Variants in METTL15 observed in about 807,000 individuals in gnomAD.
METTL15 encodes methyltransferase 15, mitochondrial 12S rRNA N4-cytidine.
METTL15 carries 34 observed loss-of-function variants against 38.3 expected under a neutral mutation model. The observed-to-expected ratio is 0.89, with a 90% CI of 0.68 to 1.18. The LOEUF (loss-of-function observed/expected upper bound fraction) is 1.18, where lower values mean the gene tolerates loss of function less well. METTL15 is among the 50% of genes most tolerant of loss of function. METTL15 has a pLI of 0.00. For missense variants in METTL15, 438 were observed against 498.4 expected, an observed-to-expected ratio of 0.88 and a Z score of 1.15; for synonymous variants, 162 against 170.9, an observed-to-expected ratio of 0.95 and a Z score of 0.41.
chr11:28,299,726 A>G (rs1408079931), intron 6 of METTL15, among the ~76,000 whole-genome samples: 1 of 152,148 alleles, frequency 6.6e-6, no homozygotes, highest in African/African-American at 2.4e-5. Context: ...GGCTGCTGCT[A>G]CTAAGTACTA....
In METTL15 at chr11:28,206,289, A is replaced by G. The variant is rs1056483242; in HGVS notation, c.271-4773A>G. Among the ~76,000 whole-genome samples, 332 of 151,666 alleles carry G rather than the reference A, an allele frequency of 2.2e-3. 3 individuals are homozygous for G. Among genetic ancestry groups the G allele is most frequent in the African/African-American group, 6.5e-3 (270 of 41,230 alleles). ...CATCTTGAATTAATTTTTGTATAAG[A>G]TGTAAGGAAGGGATCCAGTTTCAGC... is the stretch of plus-strand genomic sequence containing the variant. On this transcript the variant is annotated intron_variant, in intron 3 of 6. Transcript: ENST00000407364.
intron 3 of METTL15, among the ~76,000 whole-genome samples, chr11:28,181,052 C>T (rs1851264596): frequency 6.6e-6 from 1 of 151,472 alleles, no homozygotes; most frequent in Non-Finnish European, 1.5e-5. Context: ...TCTCTCCTTT[C>T]CTCTTTGTCC....
intron 5 of METTL15, among the ~76,000 whole-genome samples, chr11:28,387,930 C>T (rs1344032896): frequency 6.6e-6 from 1 of 151,966 alleles, no homozygotes; most frequent in Non-Finnish European, 1.5e-5. Flanking sequence ...ACTGCATTAA[C>T]AGAATGAAGG....
intron 4 of METTL15, among the ~76,000 whole-genome samples, chr11:28,216,626 T>C (rs1407949180): frequency 3.3e-5 from 5 of 152,054 alleles, no homozygotes; most frequent in Admixed American, 1.3e-4. Flanking sequence ...ATTTATTACA[T>C]ATGTATACAT....
chr11:28,523,450 G>A (rs533448431), intron 6 of METTL15, among the ~76,000 whole-genome samples: 29 of 152,302 alleles, frequency 1.9e-4, no homozygotes, highest in South Asian at 1.2e-3. Context: ...ACGACATATT[G>A]GAAGCTGATT....
intron 6 of METTL15, 68 bp downstream of exon 6, chr11:28,296,999 G>A: frequency 1.3e-6 from 2 of 1,507,036 alleles, no homozygotes; most frequent in Non-Finnish European, 1.8e-6. Context: ...ATGTGTTTGT[G>A]TGCATGCACG....
intron 4 of METTL15, among the ~76,000 whole-genome samples, chr11:28,259,398 T>C (rs1276526658): frequency 3.3e-5 from 5 of 151,992 alleles, no homozygotes; most frequent in Non-Finnish European, 5.9e-5. Context: ...TCTGAGTACA[T>C]CATGTACCCG....
chr11:28,328,911 G>A (rs898262169), intron 6 of METTL15, among the ~76,000 whole-genome samples: 1 of 151,834 alleles, frequency 6.6e-6, no homozygotes, highest in African/African-American at 2.4e-5. Flanking sequence ...TCTCTGACTT[G>A]TCTTTCATTT....
rs1850546314 is a variant in METTL15, at chr11:28,163,535, C to G, written c.271-47527C>G. 1.0e-5 allele frequency: 4 copies of G among 394,790 alleles called. No individual in the cohort carries two copies. The East Asian group carries it at 1.4e-4, about 14-fold the overall frequency. The allele number at this position is 394,790 out of a possible 1,614,324, so 24.5% of individuals were successfully genotyped here. A position where few individuals can be genotyped will look rare whatever the true frequency, so the allele number is the denominator to read the frequency against. ...AAGATGCTTCTTCTTACTGATCTCT[C>G]TCTCTCTCTCTCTCTCTGTGTGTGT... On this transcript the variant is annotated intron_variant, in intron 3 of 6. Coordinates refer to ENST00000407364, the MANE Select transcript of METTL15 (RefSeq NM_001113528.2).
At chr11:28,203,999 G>C (rs997512259) in intron 3 of METTL15, among the ~76,000 whole-genome samples, 2 of 152,014 alleles carry the variant, frequency 1.3e-5, no homozygotes, top group African/African-American at 2.4e-5. Flanking sequence ...ATATGGTCCT[G>C]TGGTAATGAG....
At chr11:28,498,824 C>T (rs182972565) in intron 6 of METTL15, among the ~76,000 whole-genome samples, 63 of 152,324 alleles carry the variant, frequency 4.1e-4, no homozygotes, top group African/African-American at 1.5e-3. Flanking sequence ...TTGTTCATGG[C>T]ACATCTTGCC....
At chr11:28,225,775 T>A (rs1367908770) in intron 4 of METTL15, among the ~76,000 whole-genome samples, 1 of 151,922 alleles carries the variant, frequency 6.6e-6, no homozygotes, top group Non-Finnish European at 1.5e-5. Context: ...TTTGTTTTAG[T>A]AACCTCTCTA....
At chr11:28,402,181 T>C (rs1564921214) in intron 5 of METTL15, among the ~76,000 whole-genome samples, 1 of 151,986 alleles carries the variant, frequency 6.6e-6, no homozygotes, top group Non-Finnish European at 1.5e-5. Flanking sequence ...GAAACTGGAA[T>C]GTCATTCTGC....
intron 6 of METTL15, among the ~76,000 whole-genome samples, chr11:28,320,243 A>G (rs969518834): frequency 1.1e-4 from 16 of 146,332 alleles, no homozygotes; most frequent in Admixed American, 3.5e-4. Flanking sequence ...TCACTCCAAT[A>G]TATTTTAGCC....
At chr11:28,367,154 G>A (rs1850193791) in intron 5 of METTL15, among the ~76,000 whole-genome samples, 1 of 151,180 alleles carries the variant, frequency 6.6e-6, no homozygotes, top group African/African-American at 2.4e-5. Context: ...ATCTGACTCA[G>A]AGTGTTGACA....
intron 3 of METTL15, among the ~76,000 whole-genome samples, chr11:28,204,670 T>A (rs929508329): frequency 6.6e-6 from 1 of 151,968 alleles, no homozygotes; most frequent in African/African-American, 2.4e-5. Context: ...CTTACTAGTT[T>A]AGTGCAGTCT....
intron 5 of METTL15, among the ~76,000 whole-genome samples, chr11:28,398,539 A>T (rs1850598030): frequency 6.6e-6 from 1 of 151,966 alleles, no homozygotes; most frequent in Admixed American, 6.6e-5. Flanking sequence ...TTTCTTGAAA[A>T]TTTGTTTAAG....
At chr11:28,233,095 T>A (rs1446216772) in intron 4 of METTL15, among the ~76,000 whole-genome samples, 1 of 152,024 alleles carries the variant, frequency 6.6e-6, no homozygotes, top group East Asian at 1.9e-4. Context: ...AGGAATCACA[T>A]CTAATTTCAT....
intron 3 of METTL15, among the ~76,000 whole-genome samples, chr11:28,342,542 C>T (rs1205375232): frequency 6.6e-6 from 1 of 152,080 alleles, no homozygotes; most frequent in East Asian, 1.9e-4. Flanking sequence ...TAACTACAGG[C>T]ATGAGCCACC....
Sources: gnomAD v4.1 joint callset for allele counts (sites outside exome capture counted in the v4.1 genomes callset) on GRCh38, gnomAD v4.1.1 for gene constraint, MANE v1.5 for transcripts, NCBI Gene and HGNC (gene_info 2026-07-23, HGNC 2026-07-21) for gene names.